Variants in ADGRL3 observed in about 807,000 individuals in gnomAD.
The protein encoded by ADGRL3 is adhesion G protein-coupled receptor L3, also known as calcium-independent alpha-latrotoxin receptor 3.
Under a neutral mutation model 153.5 loss-of-function variants are expected in ADGRL3, and 62 were observed. The observed-to-expected ratio is 0.40, with a 90% CI of 0.33 to 0.50. The LOEUF is 0.50. Ranked by LOEUF, ADGRL3 falls within the 20% of genes least tolerant of loss-of-function variation. The pLI is 0.47. For missense variants in ADGRL3, 1,641 were observed against 1,859.4 expected (o/e 0.88, Z 2.16); for synonymous variants, 710 against 672.5 (o/e 1.06, Z -0.86).
At chr4:61,614,506 CT>C (rs2091771743) in intron 5 of ADGRL3, among the ~76,000 whole-genome samples, 1 of 152,084 alleles carries the variant, frequency 6.6e-6, no homozygotes, top group Non-Finnish European at 1.5e-5. Context: ...AGACTAGCTT[CT>C]GATGGTTTCA....
rs955054363 is a variant in ADGRL3 at position 61,478,654 on chromosome 4, A to G, written c.-173-18467A>G. The stretch of plus-strand genomic sequence containing the variant: ...TATAGAACTCTTTGACTCTTTCTGT[A>G]TGAAATAAAGGGGATCATTGTTATA... On this transcript the variant is annotated intron_variant, in intron 2 of 26. Coordinates refer to ENST00000683033, the MANE Select transcript of ADGRL3 (RefSeq NM_001387552.1). Among the ~76,000 whole-genome samples, 10 of 152,046 alleles carry G rather than the reference A, an allele frequency of 6.6e-5. 1 individual carries two copies. The highest frequency in any genetic ancestry group is 4.1e-4 in the South Asian group (2 of 4,826).
chr4:61,768,397 T>A (rs970040093), intron 8 of ADGRL3, among the ~76,000 whole-genome samples: 9 of 151,898 alleles, frequency 5.9e-5, no homozygotes, highest in Admixed American at 1.3e-4. Flanking sequence ...TCAGCGACGC[T>A]TGGGGTCGGT....
At chr4:61,701,072 T>C (rs1167412276) in intron 6 of ADGRL3, among the ~76,000 whole-genome samples, 7 of 152,230 alleles carry the variant, frequency 4.6e-5, no homozygotes, top group African/African-American at 1.4e-4. Flanking sequence ...TGAGGTACAA[T>C]TGAAATTTTG....
At chr4:61,734,905 C>T (rs2151842253) in intron 8 of ADGRL3, among the ~76,000 whole-genome samples, 1 of 152,332 alleles carries the variant, frequency 6.6e-6, no homozygotes, top group South Asian at 2.1e-4. Context: ...TTAACATTTT[C>T]AGCAGGTTAG....
At chr4:61,271,254 C>G (rs1392165759) in intron 1 of ADGRL3, among the ~76,000 whole-genome samples, 1 of 151,842 alleles carries the variant, frequency 6.6e-6, no homozygotes. Context: ...TAAGGCCTTG[C>G]TCTTCAAGAC....
chr4:61,830,979 C>T (rs567082843), intron 9 of ADGRL3, among the ~76,000 whole-genome samples: 53 of 152,246 alleles, frequency 3.5e-4, no homozygotes, highest in Admixed American at 8.5e-4. Context: ...ACCTCTGCCT[C>T]CTGGGTTCAA....
At chr4:61,399,979 A>G (rs2096910971) in intron 2 of ADGRL3, among the ~76,000 whole-genome samples, 1 of 151,764 alleles carries the variant, frequency 6.6e-6, no homozygotes, top group Non-Finnish European at 1.5e-5. Flanking sequence ...ACCAAGGCAT[A>G]TGATCAGTGC....
At chr4:61,711,071 C>T (rs370174695) in intron 6 of ADGRL3, among the ~76,000 whole-genome samples, 21 of 152,084 alleles carry the variant, frequency 1.4e-4, no homozygotes, top group South Asian at 1.2e-3. Flanking sequence ...GGGCTATGTC[C>T]ATGAAAGTTA....
Position 61,344,889 on chromosome 4 carries a change from C to T in ADGRL3, c.-239-38235C>T, listed in dbSNP as rs760047768. Among the ~76,000 whole-genome samples the T allele has an allele frequency of 8.6e-5, 13 of 151,788 alleles. 1 individual carries two copies. In the East Asian group the frequency reaches 1.7e-3, roughly 20 times the overall value. On this transcript the variant is annotated intron_variant, in intron 1 of 26. Transcript: ENST00000683033. ...GCAACCTCCGCCTCCCAGGTTCAAG[C>T]GATTCTCTTGCCTCTGCCTCCCGAG...
intron 1 of ADGRL3, among the ~76,000 whole-genome samples, chr4:61,368,776 G>A (rs1054975663): frequency 6.6e-6 from 1 of 152,130 alleles, no homozygotes; most frequent in Non-Finnish European, 1.5e-5. Flanking sequence ...AAAGGCATTG[G>A]TAGCTTGAGG....
chr4:61,765,569 T>G (rs1466726064), intron 8 of ADGRL3, among the ~76,000 whole-genome samples: 1 of 152,062 alleles, frequency 6.6e-6, no homozygotes, highest in Non-Finnish European at 1.5e-5. Context: ...TTGGCTGATT[T>G]GACTGATAAA....
chr4:61,365,950 A>G (rs2151586907), intron 1 of ADGRL3, among the ~76,000 whole-genome samples: 1 of 152,304 alleles, frequency 6.6e-6, no homozygotes, highest in South Asian at 2.1e-4. Flanking sequence ...CTATAATCTT[A>G]ATTTTCTTGT....
intron 5 of ADGRL3, among the ~76,000 whole-genome samples, chr4:61,600,307 C>CA (rs60557691): frequency 2.1e-4 from 13 of 61,770 alleles, no homozygotes; most frequent in African/African-American, 5.4e-4. Context: ...GGCTGCCTTG[C>CA]AAAAAAAAAA....
chr4:61,714,375 A>C (rs111712985), intron 6 of ADGRL3, among the ~76,000 whole-genome samples: 10 of 147,398 alleles, frequency 6.8e-5, no homozygotes, highest in East Asian at 4.0e-4. Context: ...CACACACACA[A>C]ACACACACAC....
At chr4:61,558,283 TG>T (rs2148926452) in intron 4 of ADGRL3, among the ~76,000 whole-genome samples, 1 of 150,738 alleles carries the variant, frequency 6.6e-6, no homozygotes, top group East Asian at 2.0e-4. Flanking sequence ...TTGACAGAAT[TG>T]TACTTTTAAA....
In ADGRL3 at chr4:61,432,654, C is replaced by CT. The variant is rs375176904; in HGVS notation, c.-174+49481dup. Among the ~76,000 whole-genome samples, 102 of 19,710 alleles carry CT rather than the reference C, an allele frequency of 5.2e-3. 9 individuals are homozygous for CT. The highest frequency in any genetic ancestry group is 0.083 in the Middle Eastern group (2 of 24). The allele number at this position is 19,710 out of a possible 152,430, so 12.9% of individuals were successfully genotyped here. On this transcript the variant is annotated intron_variant, in intron 2 of 26. Transcript: ENST00000683033. ...TCTTTCTTTCTTTCTTTCTTTCTTT[C>CT]TTTTTTTTTTTTTTTTGAGACAGAA...
At chr4:61,954,674 T>A (rs1419602216) in intron 17 of ADGRL3, among the ~76,000 whole-genome samples, 2 of 151,998 alleles carry the variant, frequency 1.3e-5, no homozygotes, top group African/African-American at 4.8e-5. Flanking sequence ...CACAAAAACA[T>A]CAGATGTGTC....
At chr4:61,917,895 G>C (rs769898986) in intron 13 of ADGRL3, among the ~76,000 whole-genome samples, 1 of 152,184 alleles carries the variant, frequency 6.6e-6, no homozygotes, top group African/African-American at 2.4e-5. Context: ...CAGGGTGTGA[G>C]CCTGTGGTAG....
At position 62,056,794 on chromosome 4, in the gene ADGRL3, A is replaced by G. The variant is rs913011141; in HGVS notation, c.3815-11372A>G. On this transcript the variant is annotated intron_variant, in intron 25 of 26. Coordinates refer to ENST00000683033, the MANE Select transcript of ADGRL3 (RefSeq NM_001387552.1). ...TCAAGACAAAGGAGAGAGAAACATG[A>G]TGGACCGGAATGAAGAACCATCAGA... 1.1e-4 allele frequency among the ~76,000 whole-genome samples: 16 copies of G among 152,244 alleles called. No individual in the cohort carries two copies. The East Asian group carries it at 2.9e-3, about 28-fold the overall frequency.
Sources: gnomAD v4.1 joint callset for allele counts (sites outside exome capture counted in the v4.1 genomes callset) on GRCh38, gnomAD v4.1.1 for gene constraint, MANE v1.5 for transcripts, NCBI Gene and HGNC (gene_info 2026-07-23, HGNC 2026-07-21) for gene names.